RNF216: variants seen among roughly 807,000 people sequenced by gnomAD.
RNF216 encodes the protein E3 ubiquitin-protein ligase RNF216.
RNF216 carries 72 observed loss-of-function variants against 110.8 expected under a neutral mutation model. The observed-to-expected ratio is 0.65, with a 90% CI of 0.54 to 0.79. The LOEUF (loss-of-function observed/expected upper bound fraction) is 0.79, where lower values mean the gene tolerates loss of function less well. Among genes scored for constraint, RNF216 ranks in the 30% least tolerant of loss-of-function variants. The probability of loss-of-function intolerance (pLI) is 0.00; values close to 1 mark genes in which losing one functional copy is unlikely to be tolerated. For missense variants in RNF216, 1,342 were observed against 1,141.2 expected (o/e 1.18, Z -2.54); for synonymous variants, 495 against 407.5 (o/e 1.21, Z -2.59).
At chr7:5,673,064 G>A (rs1220963140) in intron 13 of RNF216, among the ~76,000 whole-genome samples, 2 of 152,166 alleles carry the variant, frequency 1.3e-5, no homozygotes, top group African/African-American at 4.8e-5. Context: ...GACTCAGGGT[G>A]GTGGGGGCCT....
chr7:5,739,584 G>C (rs1237616711), intron 4 of RNF216: 2 of 608,256 alleles, frequency 3.3e-6, no homozygotes, highest in East Asian at 6.8e-5. Flanking sequence ...CCATTTTACA[G>C]ATCCATTCTT....
At chr7:5,701,323 G>A (rs1407370610) in intron 13 of RNF216, among the ~76,000 whole-genome samples, 1 of 152,176 alleles carries the variant, frequency 6.6e-6, no homozygotes, top group Non-Finnish European at 1.5e-5. Context: ...TCTGTTCCCT[G>A]ATGGGATTTT....
At chr7:5,744,447 G>C (rs1212526936) in intron 3 of RNF216, among the ~76,000 whole-genome samples, 2 of 151,906 alleles carry the variant, frequency 1.3e-5, no homozygotes, top group African/African-American at 4.8e-5. Flanking sequence ...TAGAGGAGGA[G>C]GAAGGAAAAC....
intron 13 of RNF216, among the ~76,000 whole-genome samples, chr7:5,653,195 T>C (rs1788502880): frequency 6.6e-6 from 1 of 152,176 alleles, no homozygotes; most frequent in Admixed American, 6.5e-5. Flanking sequence ...TTTCACTTCA[T>C]ATATAAACAT....
chr7:5,659,333 G>A (rs13247447), intron 13 of RNF216, among the ~76,000 whole-genome samples: 51,842 of 152,072 alleles, frequency 0.34, 9,968 homozygotes, highest in East Asian at 0.59. Context: ...CTGACACTAG[G>A]GGCCTAGTCA....
At chr7:5,755,749 T>C (rs976601634) in intron 2 of RNF216, among the ~76,000 whole-genome samples, 31 of 152,224 alleles carry the variant, frequency 2.0e-4, no homozygotes, top group South Asian at 8.3e-4. Context: ...GATAGTGCTA[T>C]TGTGAACATT....
chr7:5,768,346 T>TACACACACACACACACAC (rs71004702), intron 1 of RNF216, among the ~76,000 whole-genome samples: 1,992 of 71,890 alleles, frequency 0.028, 218 homozygotes, highest in Non-Finnish European at 0.035. Context: ...GGCAGGCAAA[T>TACACACACACACACACAC]ACACACACAC....
intron 14 of RNF216, among the ~76,000 whole-genome samples, chr7:5,645,031 CATCTCGAACTCCTG>C (rs1290945527): frequency 6.6e-5 from 10 of 151,892 alleles, no homozygotes; most frequent in Non-Finnish European, 7.4e-5. Flanking sequence ...TGGCCAGGGT[CATCTCGAACTCCTG>C]ATCTCGTGAT....
Position 5,774,465 on chromosome 7 carries a change from T to C in RNF216, c.-70+7076A>G, listed in dbSNP as rs149280034. Among the ~76,000 whole-genome samples the C allele has an allele frequency of 1.6e-3, 246 of 152,232 alleles. 6 individuals are homozygous for C. In the East Asian group the frequency reaches 0.036, roughly 23 times the overall value. The stretch of plus-strand genomic sequence containing the variant: ...AAAAAAATTCATTAATTTTAAAAAA[T>C]AAAAACTTTTTAAAAACTAAATCAG... On this transcript the variant is annotated intron_variant, in intron 1 of 16. Coordinates refer to ENST00000389902, the MANE Select transcript of RNF216 (RefSeq NM_207111.4).
At chr7:5,774,142 C>A (rs1426602981) in intron 1 of RNF216, among the ~76,000 whole-genome samples, 1 of 151,798 alleles carries the variant, frequency 6.6e-6, no homozygotes, top group Non-Finnish European at 1.5e-5. Context: ...ACACTCAAGT[C>A]TTTTAATCTG....
At chr7:5,773,880 T>G (rs968759391) in intron 1 of RNF216, among the ~76,000 whole-genome samples, 1 of 152,220 alleles carries the variant, frequency 6.6e-6, no homozygotes, top group Non-Finnish European at 1.5e-5. Context: ...CCAAATTTCT[T>G]ATTTTTTCTT....
chr7:5,754,777 C>G (rs988473966), intron 2 of RNF216, among the ~76,000 whole-genome samples: 1 of 152,104 alleles, frequency 6.6e-6, no homozygotes, highest in Non-Finnish European at 1.5e-5. Flanking sequence ...CCTGTAATCC[C>G]AGAACTTTGG....
intron 14 of RNF216, chr7:5,649,690 A>AGATG (rs1788269122): frequency 6.6e-6 from 1 of 151,988 alleles, no homozygotes; most frequent in South Asian, 2.1e-4. Context: ...AAGACTTCTA[A>AGATG]GATGCAGAGG....
At chr7:5,754,529 C>T (rs114788435) in intron 2 of RNF216, among the ~76,000 whole-genome samples, 342 of 152,020 alleles carry the variant, frequency 2.2e-3, no homozygotes, top group African/African-American at 7.2e-3. Flanking sequence ...AGAAGACACA[C>T]GCTATGGGGG....
At chr7:5,656,216 C>A (rs1164891650) in intron 13 of RNF216, among the ~76,000 whole-genome samples, 1 of 152,158 alleles carries the variant, frequency 6.6e-6, no homozygotes, top group Non-Finnish European at 1.5e-5. Flanking sequence ...TTGCATTGAG[C>A]TGAGATGGTG....
intron 5 of RNF216, among the ~76,000 whole-genome samples, chr7:5,736,117 CTCCCTGTCCCTG>C (rs71004695): frequency 6.6e-5 from 10 of 151,346 alleles, no homozygotes; most frequent in African/African-American, 1.5e-4. Flanking sequence ...AGCTCTCCCT[CTCCCTGTCCCTG>C]TCCCTGTCCC....
At chr7:5,655,254 T>A (rs1213603758) in intron 13 of RNF216, among the ~76,000 whole-genome samples, 2 of 152,228 alleles carry the variant, frequency 1.3e-5, no homozygotes, top group East Asian at 3.9e-4. Flanking sequence ...GCTTCTTCTG[T>A]AGGTGAACGT....
chr7:5,661,017 C>A (rs1260848908), intron 13 of RNF216, among the ~76,000 whole-genome samples: 2 of 140,710 alleles, frequency 1.4e-5, no homozygotes, highest in East Asian at 4.4e-4. Context: ...TTCCGACTCA[C>A]TGCAACCTCC....
intron 15 of RNF216, among the ~76,000 whole-genome samples, chr7:5,627,209 G>A (rs1786764122): frequency 6.6e-6 from 1 of 152,152 alleles, no homozygotes; most frequent in Admixed American, 6.5e-5. Context: ...GGTAAACTGG[G>A]ACAAACACAC....
Sources: allele counts gnomAD v4.1 joint callset (sites outside exome capture counted in the v4.1 genomes callset), GRCh38; gene constraint gnomAD v4.1.1; transcripts MANE v1.5; gene names NCBI Gene and HGNC (gene_info 2026-07-23, HGNC 2026-07-21).